The following GRHL1 variants were observed in gnomAD, a reference collection of about 807,000 sequenced individuals.
The protein encoded by GRHL1 is grainyhead like transcription factor 1, also known as grainyhead-like protein 1 homolog.
Under a neutral mutation model 75.7 loss-of-function variants are expected in GRHL1, and 38 were observed. The ratio of observed to expected loss-of-function variants is 0.50; its 90% CI spans 0.39 to 0.66. GRHL1 has a LOEUF of 0.66. Ranked by LOEUF, GRHL1 falls within the 30% of genes least tolerant of loss-of-function variation. GRHL1 has a pLI of 0.00. For synonymous variants in GRHL1, 266 were observed against 279.4 expected, an observed-to-expected ratio of 0.95 and a Z score of 0.48; for missense variants, 589 against 767.5, an observed-to-expected ratio of 0.77 and a Z score of 2.75.
chr2:9,966,908 A>C (rs1402647293), intron 8 of GRHL1, among the ~76,000 whole-genome samples: 1 of 152,110 alleles, frequency 6.6e-6, no homozygotes, highest in Non-Finnish European at 1.5e-5. Flanking sequence ...CATAGTCCGG[A>C]GTTTGTTGCT....
At chr2:9,958,718 C>G in intron 2 of GRHL1, 68 bp from the exon 3 acceptor site, 1 of 1,165,878 alleles carries the variant, frequency 8.6e-7, no homozygotes, top group Non-Finnish European at 1.3e-6. Flanking sequence ...AAATAAAAGG[C>G]TGTATCTTTG....
Position 9,951,721 on chromosome 2 carries a change from G to A in GRHL1, c.-113G>A, listed in dbSNP as rs975539002. The A allele has an allele frequency of 1.6e-5, 16 of 1,010,946 alleles. No homozygotes were observed. The African/African-American group carries it at 2.6e-4, about 16-fold the overall frequency. The allele number at this position is 1,010,946 out of a possible 1,614,324, so 62.6% of individuals were successfully genotyped here. ...GCGAGAAAAGCAAACCCAACCCGTC[G>A]GGGCCGCCGCTCCGGACCCGCAGCC... On this transcript the variant is annotated 5_prime_UTR_variant, in exon 1 of 16. Coordinates refer to ENST00000324907, the MANE Select transcript of GRHL1 (RefSeq NM_198182.3). This position sits in a 1 kb window ranked among gnomAD's most constrained non-coding sequence, Gnocchi z 4.2.
chr2:9,985,567 G>T lies in GRHL1; in HGVS notation c.1111-557G>T, dbSNP rs938166677. ...CCAAAAGGTTAATAAGAACAAACTG[G>T]AAAGAAATGAGGACTGTTTAGTCTG... On this transcript the variant is annotated intron_variant, in intron 8 of 15. Transcript: ENST00000324907. Among the ~76,000 whole-genome samples the T allele has an allele frequency of 2.0e-5, 3 of 152,228 alleles. No individual in the cohort carries two copies. In the South Asian group the frequency reaches 6.2e-4, roughly 31 times the overall value.
At chr2:9,995,357 C>T (rs1668814351) in intron 12 of GRHL1, 1 of 152,206 alleles carries the variant, frequency 6.6e-6, no homozygotes, top group Non-Finnish European at 1.5e-5. Flanking sequence ...TTTGGGAGGC[C>T]AAGGTAGGAA....
chr2:9,968,582 A>G lies in GRHL1; in HGVS notation c.1110+3201A>G, dbSNP rs1263091688. On this transcript the variant is annotated intron_variant, in intron 8 of 15. Coordinates refer to ENST00000324907, the MANE Select transcript of GRHL1 (RefSeq NM_198182.3). The surrounding 1 kb of genome is among the most constrained non-coding windows in gnomAD (Gnocchi z 4.7). ...TGCTTGAGGTAATTTTTGCAGAGAG[A>G]AGAAGCAATTGCCTTTGAAGCATTA... 6.6e-6 allele frequency among the ~76,000 whole-genome samples: 1 copy of G among 152,190 alleles called. No individual in the cohort carries two copies. The highest frequency in any genetic ancestry group is 1.5e-5 in the Non-Finnish European group (1 of 68,032).
In GRHL1 at chr2:9,962,521, A is replaced by T; in HGVS notation, c.736A>T (p.Ser246Cys). The part of the protein sequence containing the change: ...GMNSEDYVFD[S>C]VSGNNFEYTL... ...GAATTCAGAGGACTATGTTTTTGAC[A>T]GTGTTTCTGGGTAATAGATGTCTTT... The change falls in exon 5 of 16, where the codon AGT becomes TGT. Residue 246 changes from serine to cysteine, a missense_variant. Coordinates refer to ENST00000324907, the MANE Select transcript of GRHL1 (RefSeq NM_198182.3). 6.4e-7 allele frequency: 1 copy of T among 1,554,692 alleles called. No homozygotes were observed. The highest frequency in any genetic ancestry group is 8.9e-7 in the Non-Finnish European group (1 of 1,125,800).
intron 8 of GRHL1, among the ~76,000 whole-genome samples, chr2:9,984,647 G>A (rs879500790): frequency 1.3e-5 from 2 of 152,180 alleles, no homozygotes; most frequent in Non-Finnish European, 2.9e-5. Context: ...CTTCCATTTC[G>A]AAGGTGGGGG....
chr2:9,984,308 C>T (rs1668325592), intron 8 of GRHL1, among the ~76,000 whole-genome samples: 1 of 151,994 alleles, frequency 6.6e-6, no homozygotes, highest in Non-Finnish European at 1.5e-5. Flanking sequence ...AGGAATCTTC[C>T]CCTGTCAGCT....
In GRHL1 at chr2:10,002,140, AG is replaced by A. The variant is rs1256574926; in HGVS notation, c.*1434del. 1 of 152,656 alleles carries A rather than the reference AG, an allele frequency of 6.6e-6. No individual in the cohort carries two copies. Among genetic ancestry groups the A allele is most frequent in the Non-Finnish European group, 1.5e-5 (1 of 68,040 alleles). The allele number at this position is 152,656 out of a possible 1,614,324, so 9.5% of individuals were successfully genotyped here. On this transcript the variant is annotated 3_prime_UTR_variant, in exon 16 of 16. Transcript: ENST00000324907. ...TGGGAACTAAATTGCTGGTTTTCTA[AG>A]ATAAGATATGGGATATGGGTCATAT...
At chr2:9,960,815 C>A in intron 3 of GRHL1, 1 of 492,410 alleles carries the variant, frequency 2.0e-6, no homozygotes, top group Non-Finnish European at 3.6e-6. Flanking sequence ...GAGGAGAGCT[C>A]TGAGCCCTTA....
chr2:9,988,634 G>A (rs1668521318), intron 9 of GRHL1, among the ~76,000 whole-genome samples: 1 of 152,022 alleles, frequency 6.6e-6, no homozygotes, highest in Non-Finnish European at 1.5e-5. Flanking sequence ...TCAAACCTGG[G>A]CACCTGGACT....
At chr2:9,998,863 CGTATATATATGTACACATATATATACAT>C in intron 14 of GRHL1, 74 bp from the exon 15 acceptor site, 1 of 120,730 alleles carries the variant, frequency 8.3e-6, no homozygotes, top group Non-Finnish European at 1.3e-5. Flanking sequence ...CATATATATA[CGTATATATATGTACACATATATATACAT>C]ATATATATAT....
At position 10,000,939 on chromosome 2, in the gene GRHL1, T is replaced by G. The variant is rs1156885126; in HGVS notation, c.*232T>G. ...AATCCATATACCATTATGTTTGAAT[T>G]TCCTGATATATACAGGATTTAAAGT... On this transcript the variant is annotated 3_prime_UTR_variant, in exon 16 of 16. Coordinates refer to ENST00000324907, the MANE Select transcript of GRHL1 (RefSeq NM_198182.3). The G allele has an allele frequency of 2.7e-6, 1 of 374,212 alleles. No individual in the cohort carries two copies. Among genetic ancestry groups the G allele is most frequent in the African/African-American group, 2.1e-5 (1 of 48,282 alleles). The allele number at this position is 374,212 out of a possible 1,614,324, so 23.2% of individuals were successfully genotyped here.
chr2:9,991,189 A>G lies in GRHL1; in HGVS notation c.1321+442A>G, dbSNP rs183040926. Among the ~76,000 whole-genome samples the G allele has an allele frequency of 6.6e-4, 100 of 152,216 alleles. 1 individual carries two copies. The highest frequency in any genetic ancestry group is 2.1e-3 in the African/African-American group (89 of 41,526). Reference sequence around the variant, plus strand: ...TAGTATTTTAATATTTGCAGAATCTATAGGGCTTCTGTTTGGACATTTCAC... The same window carrying G: ...TAGTATTTTAATATTTGCAGAATCTGTAGGGCTTCTGTTTGGACATTTCAC... On this transcript the variant is annotated intron_variant, in intron 10 of 15. Transcript: ENST00000324907.
intron 8 of GRHL1, among the ~76,000 whole-genome samples, chr2:9,972,251 CAATT>C (rs1362047334): frequency 2.0e-5 from 3 of 148,124 alleles, no homozygotes; most frequent in Non-Finnish European, 4.5e-5. Flanking sequence ...TGTCAAGAAA[CAATT>C]GACTCCTCTA....
intron 8 of GRHL1, among the ~76,000 whole-genome samples, chr2:9,977,615 A>T (rs907788044): frequency 1.3e-5 from 2 of 152,158 alleles, no homozygotes; most frequent in Admixed American, 6.6e-5. Context: ...GAGCCACCAC[A>T]TCCAGCTGGA....
chr2:9,955,667 C>CA (rs1438073737), intron 2 of GRHL1, among the ~76,000 whole-genome samples: 1 of 152,180 alleles, frequency 6.6e-6, no homozygotes, highest in Non-Finnish European at 1.5e-5. Context: ...ACTGATTTGT[C>CA]TCATCATCAT....
At chr2:9,963,517 A>C (rs16867259) in intron 5 of GRHL1, among the ~76,000 whole-genome samples, 2,203 of 152,340 alleles carry the variant, frequency 0.014, 60 homozygotes, top group African/African-American at 0.05. Context: ...AAAAAATGCT[A>C]TATAGGCCAA....
At chr2:9,984,021 G>A (rs1301759449) in intron 8 of GRHL1, among the ~76,000 whole-genome samples, 1 of 152,078 alleles carries the variant, frequency 6.6e-6, no homozygotes, top group Non-Finnish European at 1.5e-5. Flanking sequence ...AGGTGTGGTG[G>A]TGCAAGCCTG....
Sources: allele counts gnomAD v4.1 joint callset (sites outside exome capture counted in the v4.1 genomes callset), GRCh38; gene constraint gnomAD v4.1.1; non-coding constraint Gnocchi (gnomAD v3.1); transcripts MANE v1.5; gene names NCBI Gene and HGNC (gene_info 2026-07-23, HGNC 2026-07-21).